Variants in L3MBTL4 observed in about 807,000 individuals in gnomAD.
The protein encoded by L3MBTL4 is lethal(3)malignant brain tumor-like protein 4.
In L3MBTL4, 70 loss-of-function variants were observed where a neutral mutation model predicts 84.5. The observed-to-expected ratio is 0.83, with a 90% CI of 0.68 to 1.01. L3MBTL4 has a LOEUF of 1.01. Among genes scored for constraint, L3MBTL4 ranks in the 50% least tolerant of loss-of-function variants. The probability of loss-of-function intolerance (pLI) is 0.00; values close to 1 mark genes in which losing one functional copy is unlikely to be tolerated. For synonymous variants in L3MBTL4, 274 were observed against 259.8 expected (o/e 1.05, Z -0.52); for missense variants, 715 against 754.8 (o/e 0.95, Z 0.62).
chr18:6,172,402 TA>T (rs2044020291), intron 12 of L3MBTL4, among the ~76,000 whole-genome samples: 1 of 152,082 alleles, frequency 6.6e-6, no homozygotes, highest in African/African-American at 2.4e-5. Flanking sequence ...AATCAATCCC[TA>T]AAACCTCACA....
intron 1 of L3MBTL4, among the ~76,000 whole-genome samples, chr18:6,364,026 T>G (rs2053826521): frequency 6.6e-6 from 1 of 152,180 alleles, no homozygotes; most frequent in African/African-American, 2.4e-5. Flanking sequence ...TGGGGGTCTC[T>G]ATGATATTTT....
intron 1 of L3MBTL4, among the ~76,000 whole-genome samples, chr18:6,409,986 G>C (rs940666281): frequency 1.3e-5 from 2 of 152,024 alleles, no homozygotes; most frequent in African/African-American, 2.4e-5. Context: ...AATTACTCAA[G>C]TCCCTCCACT....
chr18:6,287,083 T>TC (rs2049627782), intron 4 of L3MBTL4, among the ~76,000 whole-genome samples: 1 of 152,194 alleles, frequency 6.6e-6, no homozygotes, highest in East Asian at 1.9e-4. Flanking sequence ...TTTTGTGTAG[T>TC]CAGTGCTTGC....
chr18:6,373,310 G>T (rs2054234826), intron 1 of L3MBTL4, among the ~76,000 whole-genome samples: 1 of 152,068 alleles, frequency 6.6e-6, no homozygotes, highest in Non-Finnish European at 1.5e-5. Flanking sequence ...CTTCCCAAAG[G>T]GCAGTCAAAA....
intron 4 of L3MBTL4, among the ~76,000 whole-genome samples, chr18:6,293,721 G>A (rs1436369059): frequency 6.6e-6 from 1 of 152,172 alleles, no homozygotes; most frequent in Non-Finnish European, 1.5e-5. Flanking sequence ...CTGTGATGCA[G>A]TGGCGACGGA....
chr18:6,115,795 T>C (rs181394445), intron 14 of L3MBTL4, among the ~76,000 whole-genome samples: 5 of 152,326 alleles, frequency 3.3e-5, no homozygotes, highest in African/African-American at 1.2e-4. Context: ...CGAAGTCGTC[T>C]TCAGACCTGT....
At chr18:6,382,156 C>T (rs575331546) in intron 1 of L3MBTL4, among the ~76,000 whole-genome samples, 18 of 152,266 alleles carry the variant, frequency 1.2e-4, no homozygotes, top group African/African-American at 4.3e-4. Flanking sequence ...TCACGAAGTT[C>T]TCGTGCTGTG....
chr18:6,042,326 G>A (rs2056440311), intron 16 of L3MBTL4, among the ~76,000 whole-genome samples: 2 of 151,790 alleles, frequency 1.3e-5, no homozygotes, highest in Non-Finnish European at 2.9e-5. Context: ...GGAACACTAA[G>A]TGCCCTCACT....
At chr18:6,381,808 T>C (rs2054605208) in intron 1 of L3MBTL4, among the ~76,000 whole-genome samples, 1 of 152,188 alleles carries the variant, frequency 6.6e-6, no homozygotes, top group Admixed American at 6.5e-5. Context: ...CAATTACGTG[T>C]CTTGGAGTTG....
At chr18:5,981,799 C>CA (rs1037392798) in intron 16 of L3MBTL4, among the ~76,000 whole-genome samples, 12 of 149,936 alleles carry the variant, frequency 8.0e-5, no homozygotes, top group Admixed American at 4.7e-4. Context: ...CATCTCATCT[C>CA]AAAAAAAAAA....
chr18:6,255,032 C>G (rs2048080635), intron 5 of L3MBTL4, among the ~76,000 whole-genome samples: 1 of 152,200 alleles, frequency 6.6e-6, no homozygotes, highest in Non-Finnish European at 1.5e-5. Flanking sequence ...TTTGATAATT[C>G]ACTGGCCATC....
intron 12 of L3MBTL4, among the ~76,000 whole-genome samples, chr18:6,188,337 G>A (rs889522616): frequency 6.6e-6 from 1 of 150,494 alleles, no homozygotes; most frequent in Non-Finnish European, 1.5e-5. Context: ...TATTAAAAGT[G>A]TAATTATTAA....
At chr18:6,131,128 T>C (rs912820329) in intron 14 of L3MBTL4, among the ~76,000 whole-genome samples, 1 of 152,192 alleles carries the variant, frequency 6.6e-6, no homozygotes. Context: ...CAACTTATAT[T>C]AAGAATACTG....
At chr18:5,990,685 A>C (rs908678160) in intron 16 of L3MBTL4, among the ~76,000 whole-genome samples, 2 of 152,168 alleles carry the variant, frequency 1.3e-5, no homozygotes, top group Non-Finnish European at 2.9e-5. Flanking sequence ...TTAGCTAGCA[A>C]ATATAGACAT....
chr18:5,964,508 G>GC (rs1244177398), intron 17 of L3MBTL4, among the ~76,000 whole-genome samples: 1 of 150,776 alleles, frequency 6.6e-6, no homozygotes, highest in Non-Finnish European at 1.5e-5. Flanking sequence ...GAGTTTATTT[G>GC]CCTTTTTTTT....
At chr18:5,982,979 G>A (rs570748470) in intron 16 of L3MBTL4, among the ~76,000 whole-genome samples, 37 of 152,238 alleles carry the variant, frequency 2.4e-4, no homozygotes, top group African/African-American at 7.2e-4. Context: ...TGAGGAAACC[G>A]GCTGAAGGCT....
chr18:6,265,951 A>G (rs1356040403), intron 4 of L3MBTL4, among the ~76,000 whole-genome samples: 1 of 152,184 alleles, frequency 6.6e-6, no homozygotes, highest in African/African-American at 2.4e-5. Context: ...ACTGCTAAAA[A>G]GAATAGATTT....
At chr18:6,041,713 T>C (rs2056409975) in intron 16 of L3MBTL4, among the ~76,000 whole-genome samples, 1 of 152,090 alleles carries the variant, frequency 6.6e-6, no homozygotes, top group African/African-American at 2.4e-5. Context: ...ATGCGCCCAG[T>C]GGACTGTTTC....
rs774662415 is a variant in L3MBTL4 at position 6,239,763 on chromosome 18, C to T, written c.662G>A (p.Arg221His). Residue 221 changes from arginine (R) to histidine (H), a missense_variant, in exon 9 of 19, where the codon CGC becomes CAC. Coordinates refer to ENST00000317931, the MANE Select transcript of L3MBTL4 (RefSeq NM_001330559.2). Reference protein sequence around the residue: ...VATIADIVEDRLLVHFDNWDD... With the variant: ...VATIADIVEDHLLVHFDNWDD... ...CCAGTTGTCAAAATGCACTAGTAAG[C>T]GATCTTCAACAATATCTGCTATGGT... The T allele has an allele frequency of 1.1e-5, 17 of 1,613,940 alleles. No homozygotes were observed. In the African/African-American group the frequency reaches 1.3e-4, roughly 13 times the overall value.
Sources: gnomAD v4.1 joint callset for allele counts (sites outside exome capture counted in the v4.1 genomes callset) on GRCh38, gnomAD v4.1.1 for gene constraint, MANE v1.5 for transcripts, NCBI Gene and HGNC (gene_info 2026-07-23, HGNC 2026-07-21) for gene names.